The following SLC25A36 variants were observed in gnomAD, a reference collection of about 807,000 sequenced individuals.
The protein encoded by SLC25A36 is epididymis secretory sperm binding protein.
In SLC25A36, 24 loss-of-function variants were observed where a neutral mutation model predicts 35.3. The observed-to-expected ratio is 0.68, with a 90% confidence interval of 0.49 to 0.96. The LOEUF (loss-of-function observed/expected upper bound fraction) is 0.96. Among genes scored for constraint, SLC25A36 ranks in the 40% least tolerant of loss-of-function variants. SLC25A36 has a pLI of 0.00. For synonymous variants in SLC25A36, 141 were observed against 132.2 expected (o/e 1.07, Z -0.46); for missense variants, 294 against 381.1 (o/e 0.77, Z 1.90).
At chr3:140,975,677 CTAATCTT>C (rs1038470031) in intron 6 of SLC25A36, among the ~76,000 whole-genome samples, 4 of 152,184 alleles carry the variant, frequency 2.6e-5, no homozygotes, top group Non-Finnish European at 4.4e-5. Context: ...ATTGGACTGA[CTAATCTT>C]TAAGGTTCAT....
intron 1 of SLC25A36, among the ~76,000 whole-genome samples, chr3:140,951,802 TTTG>T (rs1934331893): frequency 6.6e-6 from 1 of 151,968 alleles, no homozygotes; most frequent in Non-Finnish European, 1.5e-5. Context: ...GCCTTATTTT[TTTG>T]TTGTTTTTTA....
At chr3:140,957,627 G>GC (rs1934510957) in intron 2 of SLC25A36, among the ~76,000 whole-genome samples, 1 of 152,046 alleles carries the variant, frequency 6.6e-6, no homozygotes, top group South Asian at 2.1e-4. Context: ...TGTAATCCCA[G>GC]CTACTCAGGA....
chr3:140,948,727 C>T (rs73233098), intron 1 of SLC25A36, among the ~76,000 whole-genome samples: 5 of 152,148 alleles, frequency 3.3e-5, no homozygotes, highest in African/African-American at 4.8e-5. Flanking sequence ...GATCCATACA[C>T]GCTCAAGAGG....
intron 1 of SLC25A36, among the ~76,000 whole-genome samples, chr3:140,944,063 C>T (rs1934099208): frequency 6.6e-6 from 1 of 152,136 alleles, no homozygotes. Context: ...CTTTGCATCT[C>T]ATCTTGATTT....
chr3:140,942,520 T>G, intron 1 of SLC25A36: 1 of 157,996 alleles, frequency 6.3e-6, no homozygotes, highest in Non-Finnish European at 1.4e-5. Flanking sequence ...GCGTCGGGGA[T>G]CCAGGGCCGC....
chr3:140,958,487 CCTT>C (rs1934537355), intron 2 of SLC25A36, among the ~76,000 whole-genome samples: 1 of 152,182 alleles, frequency 6.6e-6, no homozygotes, highest in South Asian at 2.1e-4. Context: ...AGGGGCCTCG[CCTT>C]CTTTTTTCTA....
At chr3:140,969,936 T>C (rs1051201878) in intron 4 of SLC25A36, among the ~76,000 whole-genome samples, 5 of 151,940 alleles carry the variant, frequency 3.3e-5, no homozygotes, top group Non-Finnish European at 5.9e-5. Flanking sequence ...TAATTTTTTA[T>C]TGAGTAAATG....
At chr3:140,950,465 G>T (rs1177861388) in intron 1 of SLC25A36, among the ~76,000 whole-genome samples, 1 of 151,642 alleles carries the variant, frequency 6.6e-6, no homozygotes, top group Non-Finnish European at 1.5e-5. Context: ...CTATCATCTT[G>T]GGACTTCTGT....
At chr3:140,957,529 G>C (rs897958529) in intron 2 of SLC25A36, among the ~76,000 whole-genome samples, 1 of 152,130 alleles carries the variant, frequency 6.6e-6, no homozygotes, top group African/African-American at 2.4e-5. Context: ...ATCATCTGAG[G>C]TCAGGAGTTC....
intron 1 of SLC25A36, chr3:140,942,659 T>G (rs1402189166): frequency 6.6e-6 from 1 of 152,228 alleles, no homozygotes; most frequent in Non-Finnish European, 1.5e-5. Context: ...AGCGCTCGCT[T>G]GGGCCTCTGC....
rs149851739 is a variant in SLC25A36, at chr3:140,977,317, CTT to C, written c.*866_*867del. On this transcript the variant is annotated 3_prime_UTR_variant, in exon 7 of 7. Coordinates refer to ENST00000324194, the MANE Select transcript of SLC25A36 (RefSeq NM_001104647.3). ...GTAAAAGATTTTTTCACTTTTGAAT[CTT>C]TACCTACTTGCTTTCACATTAAGAA... 4.6e-5 allele frequency: 7 copies of C among 152,230 alleles called. No homozygotes were observed. Among genetic ancestry groups the C allele is most frequent in the Non-Finnish European group, 7.4e-5 (5 of 68,000 alleles). 9.4% of individuals were successfully genotyped at this position (152,230 alleles called of 1,614,324 possible). A position where few individuals can be genotyped will look rare whatever the true frequency, so the allele number is the denominator to read the frequency against.
In SLC25A36 at chr3:140,980,434, C is replaced by T. The variant is rs916426822; in HGVS notation, c.*3981C>T. Among the ~76,000 whole-genome samples, 15 of 152,002 alleles carry T rather than the reference C, an allele frequency of 9.9e-5. No individual in the cohort carries two copies. Among genetic ancestry groups the T allele is most frequent in the African/African-American group, 2.9e-4 (12 of 41,362 alleles). The stretch of plus-strand genomic sequence containing the variant: ...TTGTCCAGTCTTGAGGAAACCAGGA[C>T]GAAATATATTTTGTATTTCAACATT... On this transcript the variant is annotated 3_prime_UTR_variant, in exon 7 of 7. Transcript: ENST00000324194.
Position 140,942,046 on chromosome 3 carries a change from GGAGA to G in SLC25A36, c.-4_-1del. On this transcript the variant is annotated 5_prime_UTR_variant, in exon 1 of 7. Coordinates refer to ENST00000324194, the MANE Select transcript of SLC25A36 (RefSeq NM_001104647.3). ...CGCCTCAGCGGCCGGAGGACATGCG[GGAGA>G]GAGAATGAGCCAGAGGGACACGCTG... is the stretch of plus-strand genomic sequence containing the variant. 1 of 1,475,740 alleles carries G rather than the reference GGAGA, an allele frequency of 6.8e-7. No individual in the cohort carries two copies. Among genetic ancestry groups the G allele is most frequent in the East Asian group, 2.7e-5 (1 of 36,902 alleles). 91.4% of individuals were successfully genotyped at this position (1,475,740 alleles called of 1,614,324 possible).
intron 1 of SLC25A36, among the ~76,000 whole-genome samples, chr3:140,944,936 T>C (rs1170752978): frequency 2.0e-5 from 3 of 152,226 alleles, no homozygotes; most frequent in Admixed American, 6.5e-5. Context: ...ATGTGATTTA[T>C]TTCCGCTTCA....
chr3:140,946,454 T>C (rs1176779186), intron 1 of SLC25A36, among the ~76,000 whole-genome samples: 3 of 152,150 alleles, frequency 2.0e-5, no homozygotes, highest in Admixed American at 6.5e-5. Context: ...TAAAGGCTAA[T>C]TGGTCTCTGC....
At chr3:140,943,510 T>C (rs1934078190) in intron 1 of SLC25A36, among the ~76,000 whole-genome samples, 1 of 152,242 alleles carries the variant, frequency 6.6e-6, no homozygotes, top group Non-Finnish European at 1.5e-5. Context: ...AATTAAATCT[T>C]TTTAAAAAAA....
rs1246480621 is a variant in SLC25A36 at position 140,979,479 on chromosome 3, A to G, written c.*3026A>G. 6.6e-6 allele frequency: 1 copy of G among 152,204 alleles called. No homozygotes were observed. The highest frequency in any genetic ancestry group is 1.5e-5 in the Non-Finnish European group (1 of 68,016). 9.4% of individuals were successfully genotyped at this position (152,204 alleles called of 1,614,324 possible). ...GACCCCCTTTGGAGCTGATAAGTACAGTTCAGCCTTTTCTCCTCAAATATA... is the reference window on the plus strand; with the variant it reads ...GACCCCCTTTGGAGCTGATAAGTACGGTTCAGCCTTTTCTCCTCAAATATA... On this transcript the variant is annotated 3_prime_UTR_variant, in exon 7 of 7. Transcript: ENST00000324194.
At chr3:140,959,993 A>AT in intron 3 of SLC25A36, among the ~76,000 whole-genome samples, 1 of 152,062 alleles carries the variant, frequency 6.6e-6, no homozygotes, top group Non-Finnish European at 1.5e-5. Flanking sequence ...TGGACCTGAG[A>AT]TTTTTTTGGG....
At chr3:140,974,757 CT>C (rs1217341195) in intron 6 of SLC25A36, among the ~76,000 whole-genome samples, 4 of 151,936 alleles carry the variant, frequency 2.6e-5, no homozygotes, top group African/African-American at 9.7e-5. Context: ...TTCACTTACA[CT>C]GATTAATATT....
Sources: allele counts gnomAD v4.1 joint callset (sites outside exome capture counted in the v4.1 genomes callset), GRCh38; gene constraint gnomAD v4.1.1; transcripts MANE v1.5; gene names NCBI Gene and HGNC (gene_info 2026-07-23, HGNC 2026-07-21).